The following NAA35 variants were observed in gnomAD, a reference collection of about 807,000 sequenced individuals.
The protein encoded by NAA35 is MAK10 homolog, amino-acid N-acetyltransferase subunit.
NAA35 carries 18 observed loss-of-function variants against 101.7 expected under a neutral mutation model. That is an observed-to-expected ratio of 0.18 (90% CI 0.12 to 0.26). NAA35 has a LOEUF of 0.26. Ranked by LOEUF, NAA35 falls within the 10% of genes least tolerant of loss-of-function variation. The pLI is 1.00. For missense variants in NAA35, 601 were observed against 886.8 expected (o/e 0.68, Z 4.09); for synonymous variants, 267 against 273.1 (o/e 0.98, Z 0.22).
Position 86,016,590 on chromosome 9 carries a change from C to T in NAA35, c.1620C>T (p.Ala540=), listed in dbSNP as rs746550998. The part of the protein sequence containing the change: ...YAWLMSTLSR[A]DGSQMAEERI... ...GGTTGATGTCAACATTGAGTCGTGC[C>T]GATGGCTCTCAAATGGCAGAGGAAA... is the stretch of plus-strand genomic sequence containing the variant. Residue 540 remains alanine (A), a synonymous_variant, in exon 18 of 23, where the codon GCC becomes GCT. Transcript: ENST00000361671. The T allele has an allele frequency of 1.6e-5, 26 of 1,613,672 alleles. No homozygotes were observed. The highest frequency in any genetic ancestry group is 5.5e-5 in the South Asian group (5 of 91,064).
intron 11 of NAA35, among the ~76,000 whole-genome samples, chr9:85,984,974 G>A (rs1830589641): frequency 6.6e-6 from 1 of 152,058 alleles, no homozygotes; most frequent in Non-Finnish European, 1.5e-5. Context: ...AAGCAAACCT[G>A]CATAAAAAAA....
At chr9:86,015,395 C>G (rs550284102) in intron 17 of NAA35, among the ~76,000 whole-genome samples, 1 of 152,064 alleles carries the variant, frequency 6.6e-6, no homozygotes, top group Non-Finnish European at 1.5e-5. Flanking sequence ...CCGAGATAAC[C>G]TTTAGTTGTT....
rs1832707001 is a variant in NAA35 at position 86,024,692 on chromosome 9, G to A, written c.*2732G>A. On this transcript the variant is annotated 3_prime_UTR_variant, in exon 23 of 23. Transcript: ENST00000361671. Reference sequence around the variant, plus strand: ...ATTTTTTTGGCTTTGGCAACTAGACGATGGTGGTGCCACTTGTGTAGATAT... The same window carrying A: ...ATTTTTTTGGCTTTGGCAACTAGACAATGGTGGTGCCACTTGTGTAGATAT... Among the ~76,000 whole-genome samples, 1 of 152,166 alleles carries A rather than the reference G, an allele frequency of 6.6e-6. No homozygotes were observed. Among genetic ancestry groups the A allele is most frequent in the African/African-American group, 2.4e-5 (1 of 41,446 alleles).
rs540466632 is a variant in NAA35, at chr9:86,024,130, G to A, written c.*2170G>A. Among the ~76,000 whole-genome samples, 54 of 152,246 alleles carry A rather than the reference G, an allele frequency of 3.5e-4. No homozygotes were observed. Among genetic ancestry groups the A allele is most frequent in the African/African-American group, 2.4e-4 (10 of 41,550 alleles). ...TGTCATAGAGCTTTTATCATCTTACGACAAATACAGAAAAGCAACAGGTAT... is the reference window on the plus strand; with the variant it reads ...TGTCATAGAGCTTTTATCATCTTACAACAAATACAGAAAAGCAACAGGTAT... On this transcript the variant is annotated 3_prime_UTR_variant, in exon 23 of 23. Coordinates refer to ENST00000361671, the MANE Select transcript of NAA35 (RefSeq NM_024635.4).
chr9:85,960,650 A>G (rs1174567264), intron 5 of NAA35, among the ~76,000 whole-genome samples: 1 of 152,176 alleles, frequency 6.6e-6, no homozygotes, highest in Non-Finnish European at 1.5e-5. Context: ...TACCCCCTCA[A>G]AGATTTCTTT....
At chr9:85,974,710 G>T (rs1830139100) in intron 6 of NAA35, among the ~76,000 whole-genome samples, 1 of 152,148 alleles carries the variant, frequency 6.6e-6, no homozygotes. Context: ...TATGGCAAGT[G>T]AACGTATTAA....
In NAA35 at chr9:85,958,528, C is replaced by T; in HGVS notation, c.215C>T (p.Ala72Val). 1 of 1,611,542 alleles carries T rather than the reference C, an allele frequency of 6.2e-7. No homozygotes were observed. The highest frequency in any genetic ancestry group is 2.2e-5 in the East Asian group (1 of 44,738). ...AIEMMDPKMD[A>V]GMIGNQVNRK... ...GAAATGATGGATCCCAAGATGGATG[C>T]TGGCATGATTGGAAACCAAGTTAAT... The change falls in exon 4 of 23, where the codon GCT becomes GTT. Residue 72 changes from alanine (A) to valine (V), a missense_variant. Coordinates refer to ENST00000361671, the MANE Select transcript of NAA35 (RefSeq NM_024635.4).
intron 11 of NAA35, among the ~76,000 whole-genome samples, chr9:85,981,192 G>A (rs1830422771): frequency 6.6e-6 from 1 of 152,072 alleles, no homozygotes; most frequent in Non-Finnish European, 1.5e-5. Context: ...GAGTGACTAG[G>A]TAGCATTCTG....
At chr9:85,977,858 T>G (rs943019994) in intron 10 of NAA35, among the ~76,000 whole-genome samples, 1 of 152,174 alleles carries the variant, frequency 6.6e-6, no homozygotes, top group South Asian at 2.1e-4. Flanking sequence ...CAGATTAATT[T>G]GTGAATAATT....
chr9:85,957,081 A>C (rs1829309691), intron 3 of NAA35, among the ~76,000 whole-genome samples: 2 of 152,168 alleles, frequency 1.3e-5, no homozygotes, highest in African/African-American at 4.8e-5. Flanking sequence ...ACCCCCTCAC[A>C]GTCAAGAATC....
At chr9:85,944,661 A>C (rs1828680762) in intron 2 of NAA35, among the ~76,000 whole-genome samples, 1 of 152,198 alleles carries the variant, frequency 6.6e-6, no homozygotes. Context: ...AAGTACCTTG[A>C]TTCATAGGTA....
At chr9:85,992,466 C>T (rs1830960731) in intron 11 of NAA35, among the ~76,000 whole-genome samples, 1 of 152,104 alleles carries the variant, frequency 6.6e-6, no homozygotes, top group Non-Finnish European at 1.5e-5. Context: ...ATGAAGAGGC[C>T]TGTTGGATAC....
At position 85,972,241 on chromosome 9, in the gene NAA35, C is replaced by T. The variant is rs534305052; in HGVS notation, c.517-2726C>T. 2.0e-5 allele frequency among the ~76,000 whole-genome samples: 3 copies of T among 152,098 alleles called. No individual in the cohort carries two copies. The East Asian group carries it at 5.8e-4, about 29-fold the overall frequency. Reference sequence around the variant, plus strand: ...GAAGAGGAAGCTGGATGTGGTGGCTCACACCTGTAATCCCAGCACTTTGGG... The same window carrying T: ...GAAGAGGAAGCTGGATGTGGTGGCTTACACCTGTAATCCCAGCACTTTGGG... On this transcript the variant is annotated intron_variant, in intron 6 of 22. Coordinates refer to ENST00000361671, the MANE Select transcript of NAA35 (RefSeq NM_024635.4).
rs571734149 is a variant in NAA35, at chr9:86,023,745, T to C, written c.*1785T>C. 3.9e-5 allele frequency among the ~76,000 whole-genome samples: 6 copies of C among 152,328 alleles called. No homozygotes were observed. In the East Asian group the frequency reaches 1.2e-3, roughly 29 times the overall value. ...TGAAGTAGGTCTTCCTAAGTAAAAG[T>C]TTTCCTATTAACCCATTATCAACTA... On this transcript the variant is annotated 3_prime_UTR_variant, in exon 23 of 23. Transcript: ENST00000361671.
chr9:86,010,614 G>T (rs1212742734), intron 15 of NAA35, among the ~76,000 whole-genome samples: 1 of 143,096 alleles, frequency 7.0e-6, no homozygotes, highest in Non-Finnish European at 1.5e-5. Flanking sequence ...TCGCTCTGTG[G>T]CCCAGGCGGG....
chr9:85,980,220 A>G (rs1340880923), intron 11 of NAA35, among the ~76,000 whole-genome samples: 1 of 152,182 alleles, frequency 6.6e-6, no homozygotes. Flanking sequence ...CCACATGTTC[A>G]GATATCTGGA....
chr9:85,979,425 A>G (rs940575369), intron 11 of NAA35, among the ~76,000 whole-genome samples: 9 of 152,368 alleles, frequency 5.9e-5, no homozygotes, highest in African/African-American at 2.2e-4. Context: ...AGAACAGGCT[A>G]TGACCTAATG....
At chr9:85,992,543 A>G (rs573439963) in intron 11 of NAA35, among the ~76,000 whole-genome samples, 2 of 152,334 alleles carry the variant, frequency 1.3e-5, no homozygotes, top group African/African-American at 2.4e-5. Flanking sequence ...ATAGTGTGCA[A>G]TGAGAATATA....
At chr9:86,018,588 G>T (rs1219009928) in intron 20 of NAA35, 111 bp from the exon 21 acceptor site, 2 of 1,417,208 alleles carry the variant, frequency 1.4e-6, no homozygotes, top group Non-Finnish European at 1.9e-6. Context: ...GTTTGCCCCA[G>T]TGTCTGTGTA....
Sources: gnomAD v4.1 joint callset for allele counts (sites outside exome capture counted in the v4.1 genomes callset) on GRCh38, gnomAD v4.1.1 for gene constraint, MANE v1.5 for transcripts, NCBI Gene and HGNC (gene_info 2026-07-23, HGNC 2026-07-21) for gene names.